The following DNAI1 variants were observed in gnomAD, a reference collection of about 807,000 sequenced individuals.
The protein encoded by DNAI1 is dynein axonemal intermediate chain 1.
Under a neutral mutation model 92.0 loss-of-function variants are expected in DNAI1, and 67 were observed. That is an observed-to-expected ratio of 0.73 (90% CI 0.60 to 0.89). DNAI1 has a LOEUF of 0.89. Ranked by LOEUF, DNAI1 falls within the 40% of genes least tolerant of loss-of-function variation. The pLI, the probability that DNAI1 is intolerant of heterozygous loss-of-function variation, is 0.00. For missense variants in DNAI1, 839 were observed against 866.6 expected (o/e 0.97, Z 0.40); for synonymous variants, 323 against 319.6 (o/e 1.01, Z -0.11).
At chr9:34,491,954 G>T (rs1254609153) in intron 8 of DNAI1, among the ~76,000 whole-genome samples, 1 of 152,120 alleles carries the variant, frequency 6.6e-6, no homozygotes, top group Admixed American at 6.5e-5. Context: ...CAGTGTTCCT[G>T]CAGCCCCCCT....
At chr9:34,511,491 C>CG (rs1386192415) in intron 13 of DNAI1, among the ~76,000 whole-genome samples, 1 of 152,128 alleles carries the variant, frequency 6.6e-6, no homozygotes, top group East Asian at 1.9e-4. Context: ...GGGCAGGAGA[C>CG]GGGGGCCTGC....
chr9:34,510,939 C>T (rs1008279227), intron 13 of DNAI1, among the ~76,000 whole-genome samples: 9 of 152,196 alleles, frequency 5.9e-5, no homozygotes, highest in African/African-American at 1.9e-4. Flanking sequence ...CAGGACTCAG[C>T]CCGCCCTCCT....
chr9:34,486,038 G>A (rs1053031020), intron 4 of DNAI1, among the ~76,000 whole-genome samples: 11 of 152,158 alleles, frequency 7.2e-5, no homozygotes, highest in African/African-American at 2.4e-4. Context: ...TACACATGGC[G>A]TGGGTGGGTA....
At chr9:34,459,588 G>A (rs1211468564) in intron 1 of DNAI1, among the ~76,000 whole-genome samples, 1 of 152,112 alleles carries the variant, frequency 6.6e-6, no homozygotes, top group African/African-American at 2.4e-5. Context: ...TGGAACCAAA[G>A]GCATAGGCCA....
At chr9:34,463,687 A>G (rs1275036016) in intron 1 of DNAI1, among the ~76,000 whole-genome samples, 1 of 152,218 alleles carries the variant, frequency 6.6e-6, no homozygotes, top group Non-Finnish European at 1.5e-5. Flanking sequence ...AAAAAAATCA[A>G]AGTCTGGAAT....
chr9:34,516,265 G>A (rs1358892655), intron 18 of DNAI1, among the ~76,000 whole-genome samples: 2 of 152,184 alleles, frequency 1.3e-5, no homozygotes, highest in African/African-American at 4.8e-5. Context: ...GAGTGGGGAG[G>A]TGGGCTAGAG....
chr9:34,467,440 TAC>T (rs3039302), intron 1 of DNAI1, among the ~76,000 whole-genome samples: 7,015 of 137,316 alleles, frequency 0.051, 253 homozygotes, highest in African/African-American at 0.1. Flanking sequence ...TCTACACAAA[TAC>T]ACACACACAC....
At chr9:34,479,547 G>T (rs2132051652) in intron 1 of DNAI1, among the ~76,000 whole-genome samples, 1 of 152,318 alleles carries the variant, frequency 6.6e-6, no homozygotes, top group South Asian at 2.1e-4. Flanking sequence ...TTTATTGCCA[G>T]ATAAATGTTT....
rs1554691495 is a variant in DNAI1, at chr9:34,514,524, T to C, written c.1700T>C (p.Ile567Thr). The change falls in exon 17 of 20, where the codon ATC (isoleucine) becomes ACC (threonine). Residue 567 changes from isoleucine (I) to threonine (T), a missense_variant. Coordinates refer to ENST00000242317, the MANE Select transcript of DNAI1 (RefSeq NM_012144.4). ...MSCSSDWTVKIWDHTIKTPMF... is the reference protein window; with the variant it reads ...MSCSSDWTVKTWDHTIKTPMF... ...TGCAGCTCCGACTGGACAGTGAAGATCTGGGACCACACCATCAAGTGAGGG... is the reference window on the plus strand; with the variant it reads ...TGCAGCTCCGACTGGACAGTGAAGACCTGGGACCACACCATCAAGTGAGGG... 6.2e-7 allele frequency: 1 copy of C among 1,614,226 alleles called. No homozygotes were observed. The highest frequency in any genetic ancestry group is 8.5e-7 in the Non-Finnish European group (1 of 1,180,038).
chr9:34,517,162 A>C lies in DNAI1; in HGVS notation c.1819-123A>C, dbSNP rs1225269235. Reference sequence around the variant, plus strand: ...CAAAATTCCCCCTCCCTCCACCTCCAGCTCCAGTGTGCTAGCCATTAGCCT... The same window carrying C: ...CAAAATTCCCCCTCCCTCCACCTCCCGCTCCAGTGTGCTAGCCATTAGCCT... On this transcript the variant is annotated intron_variant, in intron 18 of 19. Transcript: ENST00000242317. 23 of 1,019,764 alleles carry C rather than the reference A, an allele frequency of 2.3e-5. No homozygotes were observed. In the East Asian group the frequency reaches 5.7e-4, roughly 25 times the overall value. The allele number at this position is 1,019,764 out of a possible 1,614,324, so 63.2% of individuals were successfully genotyped here.
intron 6 of DNAI1, 82 bp downstream of exon 6, chr9:34,490,206 G>A (rs1824559269): frequency 3.7e-6 from 6 of 1,612,068 alleles, no homozygotes; most frequent in South Asian, 1.1e-5. Context: ...TGGGAAAGGA[G>A]GAGGGAGACC....
chr9:34,517,115 C>A (rs1329645789), intron 18 of DNAI1, among the ~76,000 whole-genome samples, 170 bp from the exon 19 acceptor site: 1 of 152,086 alleles, frequency 6.6e-6, no homozygotes, highest in African/African-American at 2.4e-5. Flanking sequence ...ACTCTTTCAA[C>A]CATAGGAAAA....
chr9:34,481,566 G>A (rs1006448109), intron 1 of DNAI1, among the ~76,000 whole-genome samples: 4 of 152,220 alleles, frequency 2.6e-5, no homozygotes, highest in African/African-American at 7.2e-5. Context: ...GGACCCTCGC[G>A]GTGAGTGTTA....
At chr9:34,505,681 C>T (rs1439076137) in intron 12 of DNAI1, among the ~76,000 whole-genome samples, 1 of 152,244 alleles carries the variant, frequency 6.6e-6, no homozygotes, top group Non-Finnish European at 1.5e-5. Flanking sequence ...GAGAGGAAGC[C>T]TGCTGTCAGT....
intron 1 of DNAI1, among the ~76,000 whole-genome samples, chr9:34,481,633 G>C (rs554234402): frequency 1.3e-5 from 2 of 152,164 alleles, no homozygotes; most frequent in Non-Finnish European, 2.9e-5. Flanking sequence ...GATGTGTTCC[G>C]AGTTTCTTCC....
intron 4 of DNAI1, among the ~76,000 whole-genome samples, chr9:34,486,605 GT>G (rs1007772167): frequency 6.6e-6 from 1 of 151,770 alleles, no homozygotes; most frequent in Admixed American, 6.6e-5. Flanking sequence ...TTATTTTTTT[GT>G]TTTTTTGAAA....
intron 1 of DNAI1, among the ~76,000 whole-genome samples, chr9:34,475,782 C>T (rs376302710): frequency 1.9e-4 from 29 of 152,282 alleles, no homozygotes; most frequent in Non-Finnish European, 3.8e-4. Context: ...TGGTTGACTT[C>T]AAAGCCCACA....
intron 10 of DNAI1, among the ~76,000 whole-genome samples, chr9:34,497,573 A>G (rs1344589358): frequency 2.6e-5 from 4 of 152,208 alleles, no homozygotes; most frequent in Non-Finnish European, 4.4e-5. Flanking sequence ...ACCCAAATAG[A>G]GGTCTCGATC....
chr9:34,520,578 C>G, intron 19 of DNAI1, 80 bp from the exon 20 acceptor site: 1 of 1,313,546 alleles, frequency 7.6e-7, no homozygotes, highest in Non-Finnish European at 1.1e-6. Context: ...GCTGGACAGG[C>G]TGGGCAGAGG....
Sources: allele counts gnomAD v4.1 joint callset (sites outside exome capture counted in the v4.1 genomes callset), GRCh38; gene constraint gnomAD v4.1.1; transcripts MANE v1.5; gene names NCBI Gene and HGNC (gene_info 2026-07-23, HGNC 2026-07-21).